The following RANBP2 variants were observed in gnomAD, a reference collection of about 807,000 sequenced individuals.
RANBP2 encodes E3 SUMO-protein ligase RanBP2.
RANBP2 carries 57 observed loss-of-function variants against 303.6 expected under a neutral mutation model. The ratio of observed to expected loss-of-function variants is 0.19; its 90% CI spans 0.15 to 0.23. RANBP2 has a LOEUF of 0.23. RANBP2 is among the 10% of genes least tolerant of loss of function. RANBP2 has a pLI of 1.00. For synonymous variants in RANBP2, 1,167 were observed against 1,301.5 expected (o/e 0.90, Z 2.23); for missense variants, 3,138 against 3,780.8 (o/e 0.83, Z 4.46).
At chr2:108,719,767 G>T (rs1401347620) in intron 1 of RANBP2, 89 bp downstream of exon 1, 1 of 1,535,408 alleles carries the variant, frequency 6.5e-7, no homozygotes, top group Non-Finnish European at 8.8e-7. Context: ...GACGGGCGCT[G>T]CTCCCTGGCG....
chr2:109,397,168 C>T, the RANBP2 span, among the ~76,000 whole-genome samples: 2 of 152,142 alleles, frequency 1.3e-5, no homozygotes, highest in Non-Finnish European at 2.9e-5. Context: ...TGCACACAAC[C>T]ACTCCACCCT....
the RANBP2 span, among the ~76,000 whole-genome samples, chr2:109,629,402 G>T: frequency 1.5e-4 from 19 of 127,720 alleles, no homozygotes; most frequent in East Asian, 4.5e-3. Flanking sequence ...TCACAAGCTT[G>T]AAAAATTGTA....
At chr2:109,659,988 G>T in the RANBP2 span, among the ~76,000 whole-genome samples, 1 of 152,184 alleles carries the variant, frequency 6.6e-6, no homozygotes, top group Non-Finnish European at 1.5e-5. Context: ...GTCTCAGGCT[G>T]GGGTCAGTCC....
At chr2:109,704,796 G>T in the RANBP2 span, among the ~76,000 whole-genome samples, 1 of 150,286 alleles carries the variant, frequency 6.7e-6, no homozygotes, top group East Asian at 2.0e-4. Context: ...GGTTGCAGTG[G>T]GCCGAGATTG....
chr2:108,795,612 A>T, the RANBP2 span, among the ~76,000 whole-genome samples: 1 of 152,212 alleles, frequency 6.6e-6, no homozygotes, highest in Non-Finnish European at 1.5e-5. Flanking sequence ...TGTCAAAGTA[A>T]TTCAGATTGT....
At chr2:109,655,105 C>T in the RANBP2 span, among the ~76,000 whole-genome samples, 1 of 152,000 alleles carries the variant, frequency 6.6e-6, no homozygotes, top group Non-Finnish European at 1.5e-5. Context: ...GTTTCACCAT[C>T]TTGGCCAGGC....
At chr2:109,740,292 GAC>G in the RANBP2 span, among the ~76,000 whole-genome samples, 4 of 151,748 alleles carry the variant, frequency 2.6e-5, no homozygotes, top group Non-Finnish European at 5.9e-5. Flanking sequence ...CGGCCAAGAA[GAC>G]ACAACAGTCT....
At chr2:109,602,056 A>C in the RANBP2 span, among the ~76,000 whole-genome samples, 19 of 152,296 alleles carry the variant, frequency 1.2e-4, no homozygotes, top group Admixed American at 1.2e-3. Flanking sequence ...TAACAGAGAA[A>C]TGAGCTGCCT....
chr2:109,056,529 G>T, the RANBP2 span, among the ~76,000 whole-genome samples: 3 of 152,134 alleles, frequency 2.0e-5, no homozygotes, highest in African/African-American at 7.2e-5. Context: ...GCATCCTCCT[G>T]ATTGACAGCA....
At chr2:109,517,451 C>T in the RANBP2 span, among the ~76,000 whole-genome samples, 8 of 152,204 alleles carry the variant, frequency 5.3e-5, no homozygotes, top group Non-Finnish European at 7.3e-5. Flanking sequence ...CAAGGAAGGC[C>T]GGGTGAGTGA....
the RANBP2 span, among the ~76,000 whole-genome samples, chr2:109,524,469 A>AAAAAAC: frequency 2.6e-4 from 21 of 80,870 alleles, no homozygotes; most frequent in South Asian, 1.2e-3. Flanking sequence ...AAAAAAAACA[A>AAAAAAC]AACAACACTG....
chr2:109,542,974 T>G, the RANBP2 span: 1 of 152,646 alleles, frequency 6.6e-6, no homozygotes, highest in African/African-American at 2.4e-5. Flanking sequence ...AAAGGAAAAT[T>G]AAACACATTT....
At chr2:109,103,071 G>GTGT in the RANBP2 span, among the ~76,000 whole-genome samples, 1 of 152,200 alleles carries the variant, frequency 6.6e-6, no homozygotes, top group Admixed American at 6.5e-5. Flanking sequence ...AGCACCACGT[G>GTGT]TGTGCAGCAC....
the RANBP2 span, among the ~76,000 whole-genome samples, chr2:108,886,560 G>T: frequency 6.6e-6 from 1 of 152,016 alleles, no homozygotes; most frequent in Non-Finnish European, 1.5e-5. Context: ...GACTACAGGC[G>T]CCCGCCACCA....
chr2:109,053,325 C>T, the RANBP2 span, among the ~76,000 whole-genome samples: 1 of 152,234 alleles, frequency 6.6e-6, no homozygotes, highest in Non-Finnish European at 1.5e-5. Context: ...CAGGATGGTT[C>T]TCCCTTTTTC....
the RANBP2 span, chr2:108,896,479 T>C: frequency 6.2e-6 from 1 of 161,096 alleles, no homozygotes; most frequent in Non-Finnish European, 1.4e-5. Flanking sequence ...GTTTGACGTC[T>C]TCCAGTGAAG....
At chr2:109,168,668 C>A in the RANBP2 span, among the ~76,000 whole-genome samples, 1 of 48,326 alleles carries the variant, frequency 2.1e-5, no homozygotes, top group African/African-American at 6.1e-5. Flanking sequence ...AACTGAAAAC[C>A]TTTCAGTCAG....
chr2:109,009,289 G>A, the RANBP2 span, among the ~76,000 whole-genome samples: 1 of 151,102 alleles, frequency 6.6e-6, no homozygotes. Flanking sequence ...GTAGTGAGCC[G>A]AGATGGTGCC....
the RANBP2 span, among the ~76,000 whole-genome samples, chr2:108,904,699 A>G: frequency 7.2e-5 from 11 of 152,208 alleles, no homozygotes; most frequent in Non-Finnish European, 2.9e-5. Flanking sequence ...TGCTGAGTGA[A>G]AAAAGCCATT....
Sources: gnomAD v4.1 joint callset for allele counts (sites outside exome capture counted in the v4.1 genomes callset) on GRCh38, gnomAD v4.1.1 for gene constraint, MANE v1.5 for transcripts, NCBI Gene and HGNC (gene_info 2026-07-23, HGNC 2026-07-21) for gene names.